SOX5: variants seen among roughly 807,000 people sequenced by gnomAD.
SOX5 encodes the protein SRY-box transcription factor 5.
A neutral mutation model predicts 92.0 loss-of-function variants in SOX5; 9 were observed. That is an observed-to-expected ratio of 0.10 (90% CI 0.06 to 0.17). The LOEUF is 0.17. SOX5 is among the 10% of genes least tolerant of loss of function. The pLI is 1.00. For missense variants in SOX5, 642 were observed against 944.5 expected (o/e 0.68, Z 4.20); for synonymous variants, 344 against 336.3 (o/e 1.02, Z -0.25).
At chr12:24,292,847 A>G (rs367741927) in intron 2 of SOX5, among the ~76,000 whole-genome samples, 9 of 152,318 alleles carry the variant, frequency 5.9e-5, no homozygotes, top group South Asian at 2.1e-4. Context: ...TTTAAAACGC[A>G]GTCGCTCTTC....
intron 2 of SOX5, among the ~76,000 whole-genome samples, chr12:23,858,409 G>A (rs2096718736): frequency 6.6e-6 from 1 of 151,994 alleles, no homozygotes; most frequent in South Asian, 2.1e-4. Context: ...CTCAAAAGAA[G>A]ACGCACATGC....
chr12:23,594,053 A>G (rs1951981868), intron 9 of SOX5, among the ~76,000 whole-genome samples: 1 of 152,198 alleles, frequency 6.6e-6, no homozygotes, highest in African/African-American at 2.4e-5. Context: ...ACTATTTTAA[A>G]ATGAATACTC....
chr12:23,769,829 T>A (rs144514007), intron 3 of SOX5, among the ~76,000 whole-genome samples: 2 of 152,156 alleles, frequency 1.3e-5, no homozygotes, highest in Non-Finnish European at 2.9e-5. Context: ...TATTATGCCA[T>A]GATACTCACT....
At chr12:24,415,366 T>C (rs1311515122) in intron 1 of SOX5, among the ~76,000 whole-genome samples, 1 of 152,224 alleles carries the variant, frequency 6.6e-6, no homozygotes, top group East Asian at 1.9e-4. Context: ...GTGGAGTGAA[T>C]GTAAACTCTG....
At chr12:24,378,477 T>A (rs566198707) in intron 1 of SOX5, among the ~76,000 whole-genome samples, 2 of 152,246 alleles carry the variant, frequency 1.3e-5, no homozygotes, top group Admixed American at 1.3e-4. Context: ...CCCCTAGCTC[T>A]GTCCTTGGCA....
In SOX5 at chr12:23,761,500, C is replaced by T. The variant is rs1358894992; in HGVS notation, c.482-5776G>A. On this transcript the variant is annotated intron_variant, in intron 3 of 14. Coordinates refer to ENST00000451604, the MANE Select transcript of SOX5 (RefSeq NM_006940.6). ...AGATGACCGTGTGTATGGCTCAATA[C>T]GATTTGGGTAATAACTGGTTTAGAC... Among the ~76,000 whole-genome samples the T allele has an allele frequency of 5.3e-5, 8 of 152,012 alleles. No individual in the cohort carries two copies. The South Asian group carries it at 8.3e-4, about 16-fold the overall frequency.
chr12:23,970,444 C>T (rs546112211), intron 4 of SOX5, among the ~76,000 whole-genome samples: 17 of 152,038 alleles, frequency 1.1e-4, no homozygotes, highest in Non-Finnish European at 2.1e-4. Context: ...AGGAATAACA[C>T]CCCATTCTCT....
At chr12:24,356,869 G>A (rs939121304) in intron 2 of SOX5, among the ~76,000 whole-genome samples, 2 of 152,018 alleles carry the variant, frequency 1.3e-5, no homozygotes, top group East Asian at 1.9e-4. Flanking sequence ...CTAAACCATC[G>A]GTTACATGTT....
chr12:24,226,254 C>T (rs1594510676), intron 3 of SOX5, among the ~76,000 whole-genome samples: 1 of 152,158 alleles, frequency 6.6e-6, no homozygotes, highest in Admixed American at 6.5e-5. Flanking sequence ...CACACCCACA[C>T]AATATACATT....
intron 9 of SOX5, among the ~76,000 whole-genome samples, chr12:23,593,297 C>A (rs2137181789): frequency 6.6e-6 from 1 of 152,232 alleles, no homozygotes; most frequent in South Asian, 2.1e-4. Context: ...TTTTCTCCCA[C>A]ATTTAATACT....
At chr12:24,344,281 C>CAAAAAAAAAAA (rs61660537) in intron 2 of SOX5, among the ~76,000 whole-genome samples, 6 of 104,318 alleles carry the variant, frequency 5.8e-5, no homozygotes, top group African/African-American at 2.2e-4. Context: ...GACTCTGTCT[C>CAAAAAAAAAAA]AAAAAAAAAA....
chr12:24,415,324 G>A (rs559736439), intron 1 of SOX5, among the ~76,000 whole-genome samples: 8 of 152,210 alleles, frequency 5.3e-5, no homozygotes, highest in African/African-American at 1.9e-4. Context: ...TATATAAGAA[G>A]ACTTGTTCCT....
chr12:23,635,069 A>G (rs991114803), intron 8 of SOX5, among the ~76,000 whole-genome samples: 2 of 152,194 alleles, frequency 1.3e-5, no homozygotes, highest in African/African-American at 4.8e-5. Flanking sequence ...ACATTCTACC[A>G]GCAATGTGAG....
chr12:24,282,388 A>G, intron 2 of SOX5, among the ~76,000 whole-genome samples: 1 of 139,052 alleles, frequency 7.2e-6, no homozygotes. Context: ...AAATTAAAAA[A>G]TAAATAAATA....
intron 4 of SOX5, among the ~76,000 whole-genome samples, chr12:23,753,848 G>A (rs1256111851): frequency 6.6e-6 from 1 of 151,806 alleles, no homozygotes; most frequent in African/African-American, 2.4e-5. Flanking sequence ...ACAATGGATA[G>A]TAATTGCAAC....
At chr12:23,888,300 C>T (rs534397001) in intron 2 of SOX5, among the ~76,000 whole-genome samples, 43 of 152,250 alleles carry the variant, frequency 2.8e-4, no homozygotes, top group African/African-American at 9.4e-4. Context: ...CCCATTACCA[C>T]GGCATTGGAA....
At chr12:23,633,423 A>T (rs1369325865) in intron 8 of SOX5, among the ~76,000 whole-genome samples, 1 of 152,100 alleles carries the variant, frequency 6.6e-6, no homozygotes, top group African/African-American at 2.4e-5. Flanking sequence ...AATGTCCAAA[A>T]ATTCAAAGTG....
At position 23,990,146 on chromosome 12, in the gene SOX5, C is replaced by T. The variant is rs535587460; in HGVS notation, c.-1-94122G>A. Among the ~76,000 whole-genome samples, 5 of 152,202 alleles carry T rather than the reference C, an allele frequency of 3.3e-5. No homozygotes were observed. The East Asian group carries it at 9.7e-4, about 29-fold the overall frequency. The stretch of plus-strand genomic sequence containing the variant: ...GTTTTGACAAATTAAGACCAAAAGA[C>T]TGAGCTATAGATTATGGAATCTGTC... On this transcript the variant is annotated intron_variant, in intron 4 of 4. Transcript: ENST00000446891.
intron 3 of SOX5, among the ~76,000 whole-genome samples, chr12:24,272,894 C>T (rs1005401821): frequency 3.3e-5 from 5 of 151,026 alleles, no homozygotes; most frequent in African/African-American, 7.3e-5. Flanking sequence ...AAAATGAATT[C>T]GGATTGTTAC....
Sources: gnomAD v4.1 joint callset for allele counts (sites outside exome capture counted in the v4.1 genomes callset) on GRCh38, gnomAD v4.1.1 for gene constraint, MANE v1.5 for transcripts, NCBI Gene and HGNC (gene_info 2026-07-23, HGNC 2026-07-21) for gene names.